The following MED12L variants were observed in gnomAD, a reference collection of about 807,000 sequenced individuals.
MED12L encodes mediator of RNA polymerase II transcription subunit 12-like protein.
In MED12L, 60 loss-of-function variants were observed where a neutral mutation model predicts 281.3. The observed-to-expected ratio is 0.21, with a 90% CI of 0.17 to 0.26. The LOEUF is 0.26. MED12L is among the 10% of genes least tolerant of loss of function. The probability of loss-of-function intolerance (pLI) is 1.00; values close to 1 mark genes in which losing one functional copy is unlikely to be tolerated. For missense variants in MED12L, 2,146 were observed against 2,680.9 expected (o/e 0.80, Z 4.41); for synonymous variants, 974 against 987.2 (o/e 0.99, Z 0.25).
intron 19 of MED12L, 60 bp from the exon 20 acceptor site, chr3:151,357,153 A>G (rs3732760): frequency 5.1e-6 from 7 of 1,371,162 alleles, no homozygotes; most frequent in Non-Finnish European, 6.9e-6. Flanking sequence ...TATAAAAATA[A>G]ATGTTTTCTC....
chr3:151,233,194 G>C (rs1461526756), intron 16 of MED12L, among the ~76,000 whole-genome samples: 1 of 152,166 alleles, frequency 6.6e-6, no homozygotes, highest in Non-Finnish European at 1.5e-5. Flanking sequence ...GAGCCCGGCT[G>C]CCTCACCTCC....
At chr3:151,395,408 A>C (rs1358537977) in intron 39 of MED12L, among the ~76,000 whole-genome samples, 3 of 152,162 alleles carry the variant, frequency 2.0e-5, no homozygotes, top group African/African-American at 7.2e-5. Context: ...CATTCAATTT[A>C]ATTCTTGATT....
chr3:151,367,003 A>C (rs1755364158), intron 23 of MED12L, among the ~76,000 whole-genome samples: 1 of 152,190 alleles, frequency 6.6e-6, no homozygotes, highest in Non-Finnish European at 1.5e-5. Flanking sequence ...ATATGGTGCG[A>C]ATCAGTATGA....
intron 16 of MED12L, among the ~76,000 whole-genome samples, chr3:151,283,651 A>G (rs1356491117): frequency 6.6e-6 from 1 of 152,162 alleles, no homozygotes; most frequent in African/African-American, 2.4e-5. Flanking sequence ...TGTACCCGTG[A>G]TGTTCACTAC....
intron 5 of MED12L, among the ~76,000 whole-genome samples, chr3:151,143,964 A>G (rs1286317657): frequency 3.3e-5 from 5 of 152,230 alleles, no homozygotes; most frequent in Non-Finnish European, 7.3e-5. Flanking sequence ...GCTGTTGCTC[A>G]CTCAGGTATA....
intron 16 of MED12L, among the ~76,000 whole-genome samples, chr3:151,237,412 C>T (rs551587287): frequency 5.3e-5 from 7 of 130,904 alleles, no homozygotes; most frequent in African/African-American, 1.4e-4. Flanking sequence ...TGTGGTGGCA[C>T]GATCTTGGCT....
In MED12L at chr3:151,165,345, G is replaced by A. The variant is rs1720574095; in HGVS notation, c.1258-75G>A. 3 of 1,202,268 alleles carry A rather than the reference G, an allele frequency of 2.5e-6. No homozygotes were observed. In the African/African-American group the frequency reaches 4.5e-5, roughly 18 times the overall value. The allele number at this position is 1,202,268 out of a possible 1,614,324, so 74.5% of individuals were successfully genotyped here. ...TCACTATAGGATACTTTACTCACGTGGAAAAACCTGACATGATTTAGACAT... is the reference window on the plus strand; with the variant it reads ...TCACTATAGGATACTTTACTCACGTAGAAAAACCTGACATGATTTAGACAT... On this transcript the variant is annotated intron_variant, in intron 9 of 44. Transcript: ENST00000687756.
intron 16 of MED12L, chr3:151,337,319 T>G (rs770881434): frequency 6.5e-6 from 1 of 154,386 alleles, no homozygotes; most frequent in South Asian, 2.0e-4. Context: ...TATTATTCTT[T>G]GTGTATCCCA....
intron 36 of MED12L, among the ~76,000 whole-genome samples, chr3:151,386,093 G>C (rs1169171126): frequency 2.0e-5 from 3 of 152,194 alleles, no homozygotes; most frequent in Non-Finnish European, 4.4e-5. Flanking sequence ...CTGGGAGGTA[G>C]GGAAAATTGT....
intron 16 of MED12L, among the ~76,000 whole-genome samples, chr3:151,348,013 C>T (rs1193184435): frequency 6.6e-6 from 1 of 152,132 alleles, no homozygotes; most frequent in East Asian, 1.9e-4. Flanking sequence ...CTTTCCTTCA[C>T]CACCCCTCTT....
intron 16 of MED12L, chr3:151,197,923 A>C (rs1724896300): frequency 6.5e-6 from 1 of 152,690 alleles, no homozygotes; most frequent in South Asian, 2.1e-4. Flanking sequence ...AATGAGTTGA[A>C]AGATTACCAT....
chr3:151,279,720 C>A (rs368019443), intron 16 of MED12L, among the ~76,000 whole-genome samples: 16 of 152,172 alleles, frequency 1.1e-4, no homozygotes, highest in African/African-American at 3.6e-4. Flanking sequence ...GAGGAGGAGC[C>A]GCTAGAGCCT....
intron 6 of MED12L, 115 bp from the exon 7 acceptor site, chr3:151,158,572 CTA>C (rs1355450043): frequency 1.1e-5 from 7 of 616,090 alleles, no homozygotes; most frequent in Admixed American, 3.1e-5. Flanking sequence ...AGCAATGAGA[CTA>C]TGTTTAACAA....
rs373945485 is a variant in MED12L, at chr3:151,434,693, G to A, written c.*1889G>A. ...TGTGAATGTTGTGCCTAGTGAGTGA[G>A]TCATGTTCCATCATTATTTCTTTCC... On this transcript the variant is annotated 3_prime_UTR_variant, in exon 45 of 45. Transcript: ENST00000687756. The A allele has an allele frequency of 1.6e-4, 25 of 152,322 alleles. No homozygotes were observed. Among genetic ancestry groups the A allele is most frequent in the East Asian group, 1.2e-3 (6 of 5,188 alleles). 9.4% of individuals were successfully genotyped at this position (152,322 alleles called of 1,614,324 possible). A position where few individuals can be genotyped will look rare whatever the true frequency, so the allele number is the denominator to read the frequency against.
intron 40 of MED12L, 84 bp downstream of exon 40, chr3:151,409,416 A>C: frequency 4.3e-6 from 5 of 1,158,780 alleles, no homozygotes; most frequent in African/African-American, 1.5e-5. Context: ...AGAATATATC[A>C]ACTCCCTATA....
At chr3:151,413,556 G>C (rs1211729182) in intron 42 of MED12L, among the ~76,000 whole-genome samples, 1 of 152,184 alleles carries the variant, frequency 6.6e-6, no homozygotes, top group African/African-American at 2.4e-5. Context: ...TGGGAGGGCA[G>C]ACGGATGCCT....
chr3:151,424,646 A>G (rs1161669201), intron 43 of MED12L, among the ~76,000 whole-genome samples: 1 of 152,060 alleles, frequency 6.6e-6, no homozygotes, highest in African/African-American at 2.4e-5. Context: ...AAACAAAACA[A>G]AAAAACTCTA....
intron 16 of MED12L, among the ~76,000 whole-genome samples, chr3:151,309,114 T>TACACACACACACACACACAC (rs1553775101): frequency 4.3e-5 from 6 of 138,068 alleles, no homozygotes; most frequent in African/African-American, 1.9e-4. Context: ...TTTCATGAAA[T>TACACACACACACACACACAC]ACACGCACAC....
At chr3:151,134,171 C>G (rs1715791935) in intron 5 of MED12L, among the ~76,000 whole-genome samples, 1 of 149,114 alleles carries the variant, frequency 6.7e-6, no homozygotes, top group Non-Finnish European at 1.5e-5. Flanking sequence ...TGCCCCATCC[C>G]TTGCTGTTGT....
Sources: gnomAD v4.1 joint callset for allele counts (sites outside exome capture counted in the v4.1 genomes callset) on GRCh38, gnomAD v4.1.1 for gene constraint, MANE v1.5 for transcripts, NCBI Gene and HGNC (gene_info 2026-07-23, HGNC 2026-07-21) for gene names.